The following PARN variants were observed in gnomAD, a reference collection of about 807,000 sequenced individuals.
The protein encoded by PARN is poly(A)-specific ribonuclease.
Under a neutral mutation model 102.8 loss-of-function variants are expected in PARN, and 71 were observed. The observed-to-expected ratio is 0.69, with a 90% CI of 0.57 to 0.84. The LOEUF (loss-of-function observed/expected upper bound fraction) is 0.84, where lower values mean the gene tolerates loss of function less well. Ranked by LOEUF, PARN falls within the 40% of genes least tolerant of loss-of-function variation. The probability of loss-of-function intolerance (pLI) is 0.00; values close to 1 mark genes in which losing one functional copy is unlikely to be tolerated. For synonymous variants in PARN, 261 were observed against 252.9 expected (o/e 1.03, Z -0.30); for missense variants, 782 against 760.9 (o/e 1.03, Z -0.33).
intron 18 of PARN, among the ~76,000 whole-genome samples, chr16:14,563,729 A>G (rs1968254382): frequency 6.6e-6 from 1 of 150,524 alleles, no homozygotes; most frequent in African/African-American, 2.5e-5. Flanking sequence ...ATACAATTAT[A>G]TAACTAGTAT....
At chr16:14,570,815 CAAAAAAAAAAAA>C (rs761919651) in intron 18 of PARN, among the ~76,000 whole-genome samples, 4 of 38,748 alleles carry the variant, frequency 1.0e-4, no homozygotes, top group East Asian at 4.7e-4. Flanking sequence ...CCCACCTCTA[CAAAAAAAAAAAA>C]AAAAAAAAAA....
intron 18 of PARN, among the ~76,000 whole-genome samples, chr16:14,573,442 T>G (rs1968927664): frequency 6.6e-6 from 1 of 152,190 alleles, no homozygotes; most frequent in African/African-American, 2.4e-5. Flanking sequence ...TTTGTGTCCT[T>G]TGACCAATAT....
At chr16:14,441,332 G>C (rs60140034) in intron 23 of PARN, among the ~76,000 whole-genome samples, 2 of 152,198 alleles carry the variant, frequency 1.3e-5, no homozygotes, top group African/African-American at 2.4e-5. Flanking sequence ...CACAAAAGGT[G>C]AATATTTCTG....
At chr16:14,617,807 T>A (rs552404951) in intron 5 of PARN, among the ~76,000 whole-genome samples, 157 bp from the exon 6 acceptor site, 1 of 152,088 alleles carries the variant, frequency 6.6e-6, no homozygotes, top group Non-Finnish European at 1.5e-5. Context: ...CCACAAACAA[T>A]CCATTAACTT....
chr16:14,622,160 T>C (rs2151815705), intron 5 of PARN, among the ~76,000 whole-genome samples: 1 of 152,256 alleles, frequency 6.6e-6, no homozygotes, highest in South Asian at 2.1e-4. Flanking sequence ...GCCACTGCAC[T>C]CCAGCCTGGG....
At chr16:14,455,820 G>C (rs1233110821) in intron 22 of PARN, among the ~76,000 whole-genome samples, 1 of 152,226 alleles carries the variant, frequency 6.6e-6, no homozygotes, top group Admixed American at 6.5e-5. Flanking sequence ...TCCTGGTTCT[G>C]AAATGACGAC....
rs946899509 is a variant in PARN at position 14,599,941 on chromosome 16, A to G, written c.803T>C (p.Val268Ala). 2.5e-6 allele frequency: 4 copies of G among 1,600,262 alleles called. No individual in the cohort carries two copies. The African/African-American group carries it at 5.4e-5, about 21-fold the overall frequency. Residue 268 changes from valine (V) to alanine (A), a missense_variant, in exon 12 of 24, where the codon GTG becomes GCG. Val to Ala is a moderately conservative substitution (Grantham distance 64, BLOSUM62 0). Transcript: ENST00000437198. ...AKEQEELNDAVGFSRVIHAIA... is the reference protein window; with the variant it reads ...AKEQEELNDAAGFSRVIHAIA... Reference sequence around the variant, plus strand: ...GGCGTGAATGACTCTAGAAAATCCCACAGCATCATTCAGCTCCTCCTAATT... The same window carrying G: ...GGCGTGAATGACTCTAGAAAATCCCGCAGCATCATTCAGCTCCTCCTAATT...
intron 22 of PARN, among the ~76,000 whole-genome samples, chr16:14,469,573 C>T (rs894965902): frequency 1.3e-5 from 2 of 152,192 alleles, no homozygotes; most frequent in African/African-American, 4.8e-5. Flanking sequence ...CCTATCAGTA[C>T]AAGGACAAAC....
intron 21 of PARN, among the ~76,000 whole-genome samples, chr16:14,537,765 A>C (rs576785957): frequency 1.3e-5 from 2 of 152,234 alleles, no homozygotes; most frequent in African/African-American, 4.8e-5. Context: ...GGGAGTATTA[A>C]AGGCGCGGAA....
intron 21 of PARN, among the ~76,000 whole-genome samples, chr16:14,521,654 A>C (rs547944293): frequency 6.6e-6 from 1 of 152,160 alleles, no homozygotes; most frequent in African/African-American, 2.4e-5. Flanking sequence ...CAGAATTAGC[A>C]GGGTGTAGTG....
chr16:14,542,313 T>C (rs1185018734), intron 21 of PARN, among the ~76,000 whole-genome samples: 1 of 151,684 alleles, frequency 6.6e-6, no homozygotes, highest in Non-Finnish European at 1.5e-5. Context: ...GGCTTTTTTT[T>C]TTTTCTTCTT....
chr16:14,508,433 C>T (rs938642073), intron 21 of PARN, among the ~76,000 whole-genome samples: 12 of 151,896 alleles, frequency 7.9e-5, no homozygotes, highest in African/African-American at 2.4e-4. Flanking sequence ...AAAGATAAAA[C>T]GTGTAGCATT....
chr16:14,468,736 A>G (rs1962520875), intron 22 of PARN, among the ~76,000 whole-genome samples: 1 of 152,172 alleles, frequency 6.6e-6, no homozygotes, highest in Admixed American at 6.5e-5. Context: ...CTTCAAATAT[A>G]TAGAAAGTTT....
intron 21 of PARN, among the ~76,000 whole-genome samples, chr16:14,498,432 C>T (rs1287255347): frequency 6.6e-6 from 1 of 152,190 alleles, no homozygotes; most frequent in Admixed American, 6.5e-5. Flanking sequence ...TGGAAGCACT[C>T]AGCACTTTCC....
rs558580784 is a variant in PARN, at chr16:14,613,841, AGAG to A, written c.389-3035_389-3033del. ...ATGATACACGGAGAAGAATACACAT[AGAG>A]GAGAAGCGGGAAGGCAACAGATAGT... On this transcript the variant is annotated intron_variant, in intron 6 of 23. Transcript: ENST00000437198. 2.6e-3 allele frequency among the ~76,000 whole-genome samples: 396 copies of A among 152,340 alleles called. 2 individuals carry two copies. Among genetic ancestry groups the A allele is most frequent in the African/African-American group, 9.1e-3 (377 of 41,580 alleles).
intron 15 of PARN, 42 bp from the exon 16 acceptor site, chr16:14,584,464 C>A: frequency 6.7e-7 from 1 of 1,491,122 alleles, no homozygotes; most frequent in Non-Finnish European, 9.3e-7. Flanking sequence ...TTCATCATCT[C>A]AGAACAATAT....
At chr16:14,571,318 C>T (rs1385980903) in intron 18 of PARN, among the ~76,000 whole-genome samples, 2 of 150,384 alleles carry the variant, frequency 1.3e-5, no homozygotes, top group South Asian at 4.2e-4. Flanking sequence ...GATTGCACCA[C>T]TGCACTCCAG....
At chr16:14,546,220 A>G (rs565543136) in intron 21 of PARN, among the ~76,000 whole-genome samples, 9 of 152,372 alleles carry the variant, frequency 5.9e-5, no homozygotes, top group Admixed American at 5.9e-4. Flanking sequence ...AGGGCTGAAC[A>G]ATCATCCTGA....
At chr16:14,517,907 G>A (rs983513977) in intron 21 of PARN, among the ~76,000 whole-genome samples, 1 of 152,038 alleles carries the variant, frequency 6.6e-6, no homozygotes, top group Non-Finnish European at 1.5e-5. Flanking sequence ...CTGGCCTCAA[G>A]TGATCCACTT....
Sources: allele counts gnomAD v4.1 joint callset (sites outside exome capture counted in the v4.1 genomes callset), GRCh38; gene constraint gnomAD v4.1.1; transcripts MANE v1.5; gene names NCBI Gene and HGNC (gene_info 2026-07-23, HGNC 2026-07-21).